The following HDX variants were observed in gnomAD, a reference collection of about 807,000 sequenced individuals.
HDX encodes the protein chromosome X open reading frame 43.
Under a neutral mutation model 45.2 loss-of-function variants are expected in HDX, and 19 were observed. That is an observed-to-expected ratio of 0.42 (90% CI 0.29 to 0.62). The LOEUF (loss-of-function observed/expected upper bound fraction) is 0.62, where lower values mean the gene tolerates loss of function less well. Ranked by LOEUF, HDX falls within the 20% of genes least tolerant of loss-of-function variation. The pLI is 0.20. For synonymous variants in HDX, 188 were observed against 172.8 expected (o/e 1.09, Z -0.69); for missense variants, 532 against 493.9 (o/e 1.08, Z -0.73).
intron 5 of HDX, among the ~76,000 whole-genome samples, chrX:84,415,223 TG>T (rs776649587): frequency 2.7e-5 from 3 of 112,154 alleles, no homozygotes; most frequent in Non-Finnish European, 5.6e-5. Flanking sequence ...CTGCTAAGGT[TG>T]GGACTCTGCA....
At chrX:84,399,819 T>A (rs2038656813) in intron 5 of HDX, among the ~76,000 whole-genome samples, 1 of 111,672 alleles carries the variant, frequency 9.0e-6, no homozygotes, top group Non-Finnish European at 1.9e-5. Context: ...CTCAATAAAA[T>A]ACTGGCAAAC....
chrX:84,423,331 C>A, intron 5 of HDX, among the ~76,000 whole-genome samples: 1 of 110,392 alleles, frequency 9.1e-6, no homozygotes, highest in East Asian at 2.8e-4. Context: ...AAGCCCTAGA[C>A]CTAATGGCTT....
chrX:84,476,231 CTAG>C (rs2040548581), intron 2 of HDX, among the ~76,000 whole-genome samples: 1 of 110,919 alleles, frequency 9.0e-6, no homozygotes, highest in Non-Finnish European at 1.9e-5. Context: ...ATGATAAATT[CTAG>C]TAGTGCATTT....
At chrX:84,395,428 G>A (rs947810283) in intron 5 of HDX, among the ~76,000 whole-genome samples, 2 of 109,380 alleles carry the variant, frequency 1.8e-5, no homozygotes, top group African/African-American at 6.6e-5. Flanking sequence ...GGTTTCTGCT[G>A]AAAATTTTGC....
intron 5 of HDX, among the ~76,000 whole-genome samples, chrX:84,436,832 A>AT (rs35902783): frequency 6.9e-5 from 7 of 101,901 alleles, no homozygotes; most frequent in East Asian, 6.3e-4. Context: ...GTTTGCTGGG[A>AT]TTTTTTTTTT....
chrX:84,388,403 G>T, intron 5 of HDX, among the ~76,000 whole-genome samples: 1 of 111,667 alleles, frequency 9.0e-6, no homozygotes, highest in Non-Finnish European at 1.9e-5. Flanking sequence ...ATATTTTTAA[G>T]TCGCTTATGC....
chrX:84,318,123 CA>C lies in HDX; in HGVS notation c.*3765del, dbSNP rs370533820. 214 of 110,748 alleles carry C rather than the reference CA, an allele frequency of 1.9e-3. No homozygotes were observed. The highest frequency in any genetic ancestry group is 9.3e-3 in the Middle Eastern group (2 of 216). The allele number at this position is 110,748 out of a possible 1,213,427, so 9.1% of individuals were successfully genotyped here. On this transcript the variant is annotated 3_prime_UTR_variant, in exon 11 of 11. Transcript: ENST00000373177. ...TTTAATTATATTTGCTTGAAAATAT[CA>C]CTTTACTCTTTTTTCCCCCTAGCAA...
chrX:84,358,644 T>C (rs1827646944), intron 6 of HDX, among the ~76,000 whole-genome samples: 3 of 112,553 alleles, frequency 2.7e-5, no homozygotes, highest in African/African-American at 9.7e-5. Flanking sequence ...AGCAAGACTC[T>C]GAACAGGGCA....
intron 5 of HDX, among the ~76,000 whole-genome samples, chrX:84,419,110 T>C (rs1941082181): frequency 8.9e-6 from 1 of 111,791 alleles, no homozygotes; most frequent in Admixed American, 9.5e-5. Flanking sequence ...TGAAGAGCCC[T>C]TGGGCCCTGA....
At chrX:84,425,971 AT>A (rs200933334) in intron 5 of HDX, among the ~76,000 whole-genome samples, 4,758 of 110,920 alleles carry the variant, frequency 0.043, 252 homozygotes, top group African/African-American at 0.15. Context: ...GTATAATTAT[AT>A]TGTTTGTAAC....
chrX:84,364,322 T>C (rs2037688699), intron 5 of HDX, among the ~76,000 whole-genome samples: 1 of 109,887 alleles, frequency 9.1e-6, no homozygotes, highest in Non-Finnish European at 1.9e-5. Flanking sequence ...CACTTAATAG[T>C]GTGTGTTAGA....
At chrX:84,463,045 T>C (rs1397886510) in intron 4 of HDX, among the ~76,000 whole-genome samples, 1 of 110,787 alleles carries the variant, frequency 9.0e-6, no homozygotes, top group African/African-American at 3.3e-5. Context: ...TGCTAATGGG[T>C]ATGGGGTTCA....
At position 84,365,010 on chromosome X, in the gene HDX, T is replaced by G. The variant is rs367691281; in HGVS notation, c.1306-3398A>C. ...TTTTCTCTGTTTTTTTATCCCTCTA[T>G]GGACATTTAGGTTGTTCCATATTTT... On this transcript the variant is annotated intron_variant, in intron 5 of 10. Coordinates refer to ENST00000373177, the MANE Select transcript of HDX (RefSeq NM_001177479.2). 4.3e-4 allele frequency among the ~76,000 whole-genome samples: 48 copies of G among 111,686 alleles called. 1 individual carries two copies. The South Asian group carries it at 0.012, about 27-fold the overall frequency.
intron 5 of HDX, among the ~76,000 whole-genome samples, chrX:84,372,311 T>TA (rs967586422): frequency 1.3e-4 from 15 of 111,956 alleles, no homozygotes; most frequent in Non-Finnish European, 2.6e-4. Context: ...GTCATCAGGT[T>TA]ACCCATATAT....
At chrX:84,485,404 T>C (rs1237417935) in intron 2 of HDX, among the ~76,000 whole-genome samples, 1 of 112,070 alleles carries the variant, frequency 8.9e-6, no homozygotes, top group Non-Finnish European at 1.9e-5. Flanking sequence ...AGTTTTTGCT[T>C]TATGTGTTTG....
intron 5 of HDX, among the ~76,000 whole-genome samples, chrX:84,427,689 G>A (rs760685301): frequency 9.0e-5 from 10 of 110,784 alleles, no homozygotes; most frequent in African/African-American, 2.9e-4. Flanking sequence ...TGCACAATTT[G>A]TTCATTTACC....
At chrX:84,402,774 C>T (rs1370951308) in intron 5 of HDX, among the ~76,000 whole-genome samples, 1 of 111,495 alleles carries the variant, frequency 9.0e-6, no homozygotes, top group African/African-American at 3.3e-5. Context: ...TCCAAAGTGG[C>T]TGTACTATTT....
At chrX:84,448,651 C>A (rs144169698) in intron 4 of HDX, among the ~76,000 whole-genome samples, 1,514 of 108,233 alleles carry the variant, frequency 0.014, 36 homozygotes, top group African/African-American at 0.049. Context: ...AAAAAGTGCT[C>A]CCCTACAAAA....
At chrX:84,328,700 A>G (rs1230673257) in intron 9 of HDX, among the ~76,000 whole-genome samples, 7 of 96,683 alleles carry the variant, frequency 7.2e-5, no homozygotes, top group Non-Finnish European at 1.6e-4. Flanking sequence ...CAATAGTTAA[A>G]GAGATTGACA....
Sources: gnomAD v4.1 joint callset for allele counts (sites outside exome capture counted in the v4.1 genomes callset) on GRCh38, gnomAD v4.1.1 for gene constraint, MANE v1.5 for transcripts, NCBI Gene and HGNC (gene_info 2026-07-23, HGNC 2026-07-21) for gene names.